Variants in STK10 observed in about 807,000 individuals in gnomAD.
STK10 encodes serine/threonine-protein kinase 10.
A neutral mutation model predicts 113.8 loss-of-function variants in STK10; 78 were observed. The observed-to-expected ratio is 0.69, with a 90% confidence interval of 0.57 to 0.83. STK10 has a LOEUF of 0.83. STK10 is among the 40% of genes least tolerant of loss of function. The pLI, the probability that STK10 is intolerant of heterozygous loss-of-function variation, is 0.00. For missense variants in STK10, 1,109 were observed against 1,280.1 expected, an observed-to-expected ratio of 0.87 and a Z score of 2.04; for synonymous variants, 465 against 494.7, an observed-to-expected ratio of 0.94 and a Z score of 0.80.
Position 172,120,586 on chromosome 5 carries a change from G to A in STK10, c.371-2956C>T, listed in dbSNP as rs1581166502. 6.6e-6 allele frequency among the ~76,000 whole-genome samples: 1 copy of A among 152,280 alleles called. No homozygotes were observed. The highest frequency in any genetic ancestry group is 3.4e-3 in the Middle Eastern group (1 of 294). ...GGTGCTGCCTCTCACTAGCTGTGTG[G>A]TTACTGGCAAGTCGCCCAAGCTCTC... On this transcript the variant is annotated intron_variant, in intron 3 of 18. Coordinates refer to ENST00000176763, the MANE Select transcript of STK10 (RefSeq NM_005990.4). The surrounding 1 kb of genome is among the most constrained non-coding windows in gnomAD (Gnocchi z 4.0).
rs1329575258 is a variant in STK10, at chr5:172,096,577, C to T, written c.871-17G>A. ...GAAGGGATGCTGAGGGGGCAAGATG[C>T]ACCCAGATTAGAACCACTCTGGGGT... is the stretch of plus-strand genomic sequence containing the variant. On this transcript the variant is annotated splice_polypyrimidine_tract_variant and intron_variant, in intron 7 of 18. Transcript: ENST00000176763. 2 of 1,611,730 alleles carry T rather than the reference C, an allele frequency of 1.2e-6. No individual in the cohort carries two copies. Among genetic ancestry groups the T allele is most frequent in the Non-Finnish European group, 1.7e-6 (2 of 1,179,982 alleles).
chr5:172,052,895 C>A (rs1360390669), intron 18 of STK10, 34 bp downstream of exon 18: 3 of 1,607,830 alleles, frequency 1.9e-6, no homozygotes, highest in African/African-American at 2.7e-5. Context: ...AGAGCAGAGC[C>A]CGAGACTGAG....
intron 13 of STK10, 93 bp from the exon 14 acceptor site, chr5:172,061,361 G>A: frequency 6.8e-7 from 1 of 1,478,016 alleles, no homozygotes; most frequent in Non-Finnish European, 9.0e-7. Flanking sequence ...CGCGTGATCA[G>A]AGAAGAAAAT....
chr5:172,161,498 ATT>A (rs1362840074), intron 1 of STK10, among the ~76,000 whole-genome samples: 8 of 152,028 alleles, frequency 5.3e-5, no homozygotes, highest in African/African-American at 1.9e-4. Context: ...CAAGCAGGCA[ATT>A]TCTCTCCACA....
intron 1 of STK10, among the ~76,000 whole-genome samples, chr5:172,174,679 G>A (rs532792666): frequency 1.4e-4 from 21 of 152,284 alleles, no homozygotes; most frequent in African/African-American, 3.8e-4. Context: ...GTCAGGGAGC[G>A]GTGGTCGGGA....
chr5:172,155,579 A>T (rs1402259386), intron 2 of STK10, among the ~76,000 whole-genome samples: 3 of 152,030 alleles, frequency 2.0e-5, no homozygotes, highest in Non-Finnish European at 4.4e-5. Context: ...AGAGTTGTTT[A>T]TAAGAGCAAA....
At chr5:172,050,833 C>G (rs1208582151) in intron 18 of STK10, among the ~76,000 whole-genome samples, 3 of 152,082 alleles carry the variant, frequency 2.0e-5, no homozygotes, top group African/African-American at 7.2e-5. Context: ...CCATCTCAGG[C>G]TCCAGAGTAT....
At chr5:172,091,679 C>A (rs1172695430) in intron 9 of STK10, among the ~76,000 whole-genome samples, 1 of 152,044 alleles carries the variant, frequency 6.6e-6, no homozygotes, top group Admixed American at 6.5e-5. Flanking sequence ...TACAGGCATG[C>A]GCCACCACGC....
chr5:172,095,042 G>A (rs1421592479), intron 8 of STK10, among the ~76,000 whole-genome samples: 3 of 152,148 alleles, frequency 2.0e-5, no homozygotes, highest in African/African-American at 4.8e-5. Context: ...CTGCCGCCCC[G>A]TCCTTCTCAG....
chr5:172,164,042 C>A (rs1341068364), intron 1 of STK10, among the ~76,000 whole-genome samples: 1 of 151,720 alleles, frequency 6.6e-6, no homozygotes, highest in East Asian at 1.9e-4. Context: ...TGAAACCCCA[C>A]CTCTACTAAA....
intron 2 of STK10, among the ~76,000 whole-genome samples, chr5:172,130,015 AT>A (rs965000164): frequency 6.6e-6 from 1 of 152,126 alleles, no homozygotes; most frequent in Non-Finnish European, 1.5e-5. Flanking sequence ...TGTGAAAGCC[AT>A]CCTCTCCCCT....
At chr5:172,099,936 A>G (rs1377938746) in intron 7 of STK10, among the ~76,000 whole-genome samples, 2 of 152,128 alleles carry the variant, frequency 1.3e-5, no homozygotes, top group Admixed American at 1.3e-4. Context: ...TGCCTCCCTG[A>G]CCACCCCAGC....
chr5:172,131,032 G>GTTTTTTT (rs773484183), intron 2 of STK10, among the ~76,000 whole-genome samples: 3 of 109,520 alleles, frequency 2.7e-5, no homozygotes, highest in African/African-American at 3.7e-5. Context: ...GCCATCAGCT[G>GTTTTTTT]TTTTTTTTTT....
chr5:172,185,547 G>A (rs1430796371), intron 1 of STK10, among the ~76,000 whole-genome samples: 1 of 152,158 alleles, frequency 6.6e-6, no homozygotes, highest in Non-Finnish European at 1.5e-5. Context: ...GATTACAGGC[G>A]TGAGCCACCA....
At chr5:172,117,313 C>G (rs1561814520) in intron 4 of STK10, among the ~76,000 whole-genome samples, 168 bp downstream of exon 4, 1 of 152,110 alleles carries the variant, frequency 6.6e-6, no homozygotes, top group Non-Finnish European at 1.5e-5. Context: ...TGAAAAAAAG[C>G]AAAGAATCAA....
chr5:172,110,012 C>T (rs1190780512), intron 4 of STK10, among the ~76,000 whole-genome samples: 4 of 152,216 alleles, frequency 2.6e-5, no homozygotes, highest in Non-Finnish European at 4.4e-5. Context: ...GGCCTGAATA[C>T]GGGAGAACTT....
At chr5:172,075,155 C>T in intron 12 of STK10, among the ~76,000 whole-genome samples, 1 of 149,824 alleles carries the variant, frequency 6.7e-6, no homozygotes, top group Non-Finnish European at 1.5e-5. Flanking sequence ...GGAAGGCAGA[C>T]CAAGACCCTG....
chr5:172,084,395 T>G (rs1187920770), intron 10 of STK10, among the ~76,000 whole-genome samples: 1 of 142,142 alleles, frequency 7.0e-6, no homozygotes, highest in Admixed American at 6.8e-5. Flanking sequence ...GGCAAAATTC[T>G]GTCTCAAAAT....
intron 2 of STK10, among the ~76,000 whole-genome samples, chr5:172,139,918 A>AAC (rs1769939541): frequency 6.8e-6 from 1 of 147,854 alleles, no homozygotes; most frequent in South Asian, 2.1e-4. Context: ...AAAAAAAAAA[A>AAC]CCCAAAAATA....
Sources: gnomAD v4.1 joint callset for allele counts (sites outside exome capture counted in the v4.1 genomes callset) on GRCh38, gnomAD v4.1.1 for gene constraint, Gnocchi (gnomAD v3.1) non-coding constraint, MANE v1.5 for transcripts, NCBI Gene and HGNC (gene_info 2026-07-23, HGNC 2026-07-21) for gene names.